RANBP17: variants seen among roughly 807,000 people sequenced by gnomAD.
RANBP17 encodes ran-binding protein 17.
RANBP17 carries 158 observed loss-of-function variants against 141.2 expected under a neutral mutation model. The observed-to-expected ratio is 1.12, with a 90% confidence interval of 0.98 to 1.28. RANBP17 has a LOEUF of 1.28. Among genes scored for constraint, RANBP17 ranks in the 50% most tolerant of loss-of-function variants. The pLI, the probability that RANBP17 is intolerant of heterozygous loss-of-function variation, is 0.00. For missense variants in RANBP17, 1,438 were observed against 1,290.7 expected, an observed-to-expected ratio of 1.11 and a Z score of -1.75; for synonymous variants, 430 against 450.0, an observed-to-expected ratio of 0.96 and a Z score of 0.56.
chr5:170,955,580 G>GTATATA (rs1775582169), intron 13 of RANBP17, among the ~76,000 whole-genome samples: 1 of 40,594 alleles, frequency 2.5e-5, no homozygotes, highest in Non-Finnish European at 4.7e-5. Context: ...CTCAGTCTGT[G>GTATATA]TGTATATATA....
chr5:170,958,591 AGAT>A (rs1351070792), intron 13 of RANBP17, among the ~76,000 whole-genome samples: 1 of 152,202 alleles, frequency 6.6e-6, no homozygotes, highest in African/African-American at 2.4e-5. Flanking sequence ...TTTCATATGA[AGAT>A]GTTCCAAATA....
At chr5:171,121,088 C>A (rs1407172961) in intron 14 of RANBP17, among the ~76,000 whole-genome samples, 1 of 152,160 alleles carries the variant, frequency 6.6e-6, no homozygotes, top group African/African-American at 2.4e-5. Flanking sequence ...TGAGGGTGGG[C>A]TCACAAGGCT....
At chr5:171,154,402 G>T (rs1440720477) in intron 14 of RANBP17, among the ~76,000 whole-genome samples, 1 of 152,096 alleles carries the variant, frequency 6.6e-6, no homozygotes, top group Non-Finnish European at 1.5e-5. Flanking sequence ...TCAGCCTCCT[G>T]AGTAGCTGAG....
chr5:170,867,393 G>GA (rs1463892055), intron 1 of RANBP17, among the ~76,000 whole-genome samples: 1 of 151,552 alleles, frequency 6.6e-6, no homozygotes, highest in Non-Finnish European at 1.5e-5. Context: ...GGATTGGTTT[G>GA]AAAAAAAGGT....
intron 14 of RANBP17, among the ~76,000 whole-genome samples, chr5:171,029,988 C>T (rs1052578932): frequency 7.9e-5 from 12 of 151,956 alleles, no homozygotes; most frequent in Admixed American, 2.0e-4. Context: ...GACTTTCACC[C>T]ACACATAGCA....
intron 14 of RANBP17, among the ~76,000 whole-genome samples, chr5:170,979,751 T>G (rs1217432212): frequency 6.6e-6 from 1 of 152,220 alleles, no homozygotes; most frequent in Non-Finnish European, 1.5e-5. Flanking sequence ...AGTAAACATC[T>G]TTCTTTTGTA....
At position 170,918,852 on chromosome 5, in the gene RANBP17, G is replaced by C; in HGVS notation, c.1094G>C (p.Ser365Thr). 6.4e-7 allele frequency: 1 copy of C among 1,566,448 alleles called. No homozygotes were observed. Among genetic ancestry groups the C allele is most frequent in the Non-Finnish European group, 8.7e-7 (1 of 1,154,674 alleles). ...TTGATTGCTAATTTTACCATTACTAGCCTACAGGTAGGTAAAAATATGTAA... is the reference window on the plus strand; with the variant it reads ...TTGATTGCTAATTTTACCATTACTACCCTACAGGTAGGTAAAAATATGTAA... The part of the protein sequence containing the change: ...IRLIANFTIT[S>T]LQHWEFAPNS... The change falls in exon 10 of 28, where the codon AGC becomes ACC. Residue 365 changes from serine (S) to threonine (T), a missense_variant. Physicochemically the swap from Ser to Thr is moderately conservative, Grantham distance 58. Coordinates refer to ENST00000523189, the MANE Select transcript of RANBP17 (RefSeq NM_022897.5).
At chr5:171,067,937 G>A (rs1784405564) in intron 14 of RANBP17, among the ~76,000 whole-genome samples, 1 of 152,068 alleles carries the variant, frequency 6.6e-6, no homozygotes, top group South Asian at 2.1e-4. Context: ...AATTTGGTGT[G>A]TTTTTCATTT....
chr5:171,295,246 A>G (rs1768744799), intron 26 of RANBP17, among the ~76,000 whole-genome samples: 1 of 152,206 alleles, frequency 6.6e-6, no homozygotes, highest in African/African-American at 2.4e-5. Flanking sequence ...AAAAGCCCAC[A>G]GTCCTCAGCA....
intron 14 of RANBP17, among the ~76,000 whole-genome samples, chr5:170,979,816 G>A (rs907333978): frequency 1.3e-5 from 2 of 152,292 alleles, no homozygotes; most frequent in African/African-American, 4.8e-5. Context: ...GACTAATAAA[G>A]TAAATTGGTA....
At chr5:171,179,103 T>C (rs978713087) in intron 16 of RANBP17, among the ~76,000 whole-genome samples, 4 of 152,352 alleles carry the variant, frequency 2.6e-5, no homozygotes, top group Admixed American at 2.6e-4. Flanking sequence ...TGCCCATGCC[T>C]ATGTCCTGAA....
chr5:170,978,930 G>T (rs142694225), intron 14 of RANBP17, among the ~76,000 whole-genome samples: 105 of 152,254 alleles, frequency 6.9e-4, no homozygotes, highest in Non-Finnish European at 1.3e-3. Flanking sequence ...ATCAGTAGAA[G>T]AATGGATGAA....
At position 170,865,205 on chromosome 5, in the gene RANBP17, G is replaced by A. The variant is rs142958999; in HGVS notation, c.18+3154G>A. On this transcript the variant is annotated intron_variant, in intron 1 of 27. Coordinates refer to ENST00000523189, the MANE Select transcript of RANBP17 (RefSeq NM_022897.5). Reference sequence around the variant, plus strand: ...AGCCTCCTGGGTAGCTGGGATTACAGTTGCAAGCCACCATGCCCTGCTAAT... The same window carrying A: ...AGCCTCCTGGGTAGCTGGGATTACAATTGCAAGCCACCATGCCCTGCTAAT... Among the ~76,000 whole-genome samples, 337 of 152,170 alleles carry A rather than the reference G, an allele frequency of 2.2e-3. 1 individual carries two copies. The highest frequency in any genetic ancestry group is 7.3e-3 in the African/African-American group (303 of 41,508).
chr5:171,277,637 G>GTATGTATATGTATATATATA lies in RANBP17; in HGVS notation c.2943+11793_2943+11794insGTATATGTATATATATATAT, dbSNP rs1554127913. Among the ~76,000 whole-genome samples, 539 of 56,796 alleles carry GTATGTATATGTATATATATA rather than the reference G, an allele frequency of 9.5e-3. 9 individuals are homozygous for GTATGTATATGTATATATATA. The highest frequency in any genetic ancestry group is 0.02 in the East Asian group (23 of 1,136). The allele number at this position is 56,796 out of a possible 152,430, so 37.3% of individuals were successfully genotyped here. ...GTGCCTTACGTATACATATATGTAT[G>GTATGTATATGTATATATATA]TATATATATATATATATATATATAT... On this transcript the variant is annotated intron_variant, in intron 25 of 27. Coordinates refer to ENST00000523189, the MANE Select transcript of RANBP17 (RefSeq NM_022897.5).
chr5:171,162,007 G>A (rs1265947307), intron 14 of RANBP17, among the ~76,000 whole-genome samples: 2 of 152,122 alleles, frequency 1.3e-5, no homozygotes, highest in South Asian at 2.1e-4. Flanking sequence ...TTATAAACTT[G>A]CTATTGCAAA....
At chr5:171,275,073 A>G (rs1266660064) in intron 25 of RANBP17, among the ~76,000 whole-genome samples, 1 of 152,152 alleles carries the variant, frequency 6.6e-6, no homozygotes. Flanking sequence ...ATTGAAAGGG[A>G]TGGAATCCAC....
intron 5 of RANBP17, among the ~76,000 whole-genome samples, chr5:170,905,558 C>T (rs896276329): frequency 1.1e-4 from 17 of 152,168 alleles, no homozygotes; most frequent in East Asian, 1.9e-4. Flanking sequence ...TAACTTATCA[C>T]GGCCATCACC....
At chr5:170,896,496 A>G (rs1770132749) in intron 5 of RANBP17, among the ~76,000 whole-genome samples, 1 of 152,158 alleles carries the variant, frequency 6.6e-6, no homozygotes, top group Non-Finnish European at 1.5e-5. Context: ...TGAGGAATTG[A>G]TTCTCAACAA....
chr5:171,052,494 A>C (rs1370282041), intron 14 of RANBP17, among the ~76,000 whole-genome samples: 1 of 152,108 alleles, frequency 6.6e-6, no homozygotes, highest in Non-Finnish European at 1.5e-5. Context: ...TTCCCCATAA[A>C]AGTATCTTAG....
Sources: gnomAD v4.1 joint callset for allele counts (sites outside exome capture counted in the v4.1 genomes callset) on GRCh38, gnomAD v4.1.1 for gene constraint, MANE v1.5 for transcripts, NCBI Gene and HGNC (gene_info 2026-07-23, HGNC 2026-07-21) for gene names.